RASSF3: variants seen among roughly 807,000 people sequenced by gnomAD.
The protein encoded by RASSF3 is ras association domain-containing protein 3.
RASSF3 carries 19 observed loss-of-function variants against 19.9 expected under a neutral mutation model. The ratio of observed to expected loss-of-function variants is 0.96; its 90% CI spans 0.67 to 1.40. The LOEUF is 1.40. RASSF3 is among the 40% of genes most tolerant of loss of function. The probability of loss-of-function intolerance (pLI) is 0.00; values close to 1 mark genes in which losing one functional copy is unlikely to be tolerated. For missense variants in RASSF3, 306 were observed against 289.8 expected, an observed-to-expected ratio of 1.06 and a Z score of -0.41; for synonymous variants, 110 against 104.2, an observed-to-expected ratio of 1.06 and a Z score of -0.34.
chr12:64,621,719 G>A (rs1319562055), intron 1 of RASSF3, among the ~76,000 whole-genome samples: 5 of 152,138 alleles, frequency 3.3e-5, no homozygotes, highest in South Asian at 2.1e-4. Flanking sequence ...TAATCTACCC[G>A]CCTGGGCCTC....
At chr12:64,651,403 G>T (rs1050423609) in intron 1 of RASSF3, among the ~76,000 whole-genome samples, 1 of 152,198 alleles carries the variant, frequency 6.6e-6, no homozygotes, top group Non-Finnish European at 1.5e-5. Context: ...CTGTTGCCCA[G>T]ACTGGAGTGC....
chr12:64,674,772 C>T (rs1381527171), intron 1 of RASSF3, among the ~76,000 whole-genome samples: 2 of 151,922 alleles, frequency 1.3e-5, no homozygotes, highest in South Asian at 2.1e-4. Context: ...GGGCCTTGAA[C>T]GCAGGTGAGG....
chr12:64,671,234 T>C (rs972369841), intron 1 of RASSF3, among the ~76,000 whole-genome samples: 1 of 152,160 alleles, frequency 6.6e-6, no homozygotes, highest in Non-Finnish European at 1.5e-5. Context: ...AACCTTCTTT[T>C]TCCCTCTGCA....
At chr12:64,609,163 G>A (rs138583011), upstream of RASSF3, among the ~76,000 whole-genome samples, 7 of 151,988 alleles carry the variant, frequency 4.6e-5, no homozygotes, top group Non-Finnish European at 1.0e-4. Context: ...TCCTCCTGTA[G>A]TCCACAAAAG....
intron 1 of RASSF3, among the ~76,000 whole-genome samples, chr12:64,625,095 A>C (rs1870940849): frequency 6.6e-6 from 1 of 152,182 alleles, no homozygotes; most frequent in Admixed American, 6.5e-5. Flanking sequence ...CCAGCCAAAG[A>C]GCGAAAAATG....
chr12:64,527,910 G>C (rs1213308307), intron 1 of RASSF3, among the ~76,000 whole-genome samples: 1 of 151,760 alleles, frequency 6.6e-6, no homozygotes, highest in African/African-American at 2.4e-5. Context: ...ACTCCAGCCT[G>C]GGTGACAAAG....
chr12:64,520,283 C>T (rs1236630429), intron 1 of RASSF3, among the ~76,000 whole-genome samples: 1 of 151,494 alleles, frequency 6.6e-6, no homozygotes, highest in African/African-American at 2.4e-5. Context: ...ATTCTTCTGC[C>T]TCCCAAGTAG....
intron 2 of RASSF3, among the ~76,000 whole-genome samples, chr12:64,563,091 C>T (rs1869374021): frequency 6.6e-6 from 1 of 152,156 alleles, no homozygotes; most frequent in Non-Finnish European, 1.5e-5. Context: ...AGCCTCCTAT[C>T]TTTGTTCTCT....
chr12:64,579,264 G>A (rs1229183635), intron 2 of RASSF3, among the ~76,000 whole-genome samples: 1 of 151,826 alleles, frequency 6.6e-6, no homozygotes, highest in Admixed American at 6.6e-5. Flanking sequence ...ATCAAGGCAT[G>A]GAAATAATCA....
chr12:64,660,093 T>C (rs1872303497), intron 1 of RASSF3, among the ~76,000 whole-genome samples: 1 of 151,508 alleles, frequency 6.6e-6, no homozygotes. Context: ...TATATACACA[T>C]ACACGCACAC....
intron 1 of RASSF3, among the ~76,000 whole-genome samples, chr12:64,625,198 C>A (rs554949355): frequency 9.9e-4 from 151 of 152,208 alleles, no homozygotes; most frequent in African/African-American, 3.5e-3. Context: ...GAGCTCCAGT[C>A]ATTCCTGGAG....
At chr12:64,607,067 CT>C (rs1447545977), upstream of RASSF3, among the ~76,000 whole-genome samples, 2 of 151,434 alleles carry the variant, frequency 1.3e-5, no homozygotes, top group Admixed American at 6.6e-5. Flanking sequence ...TCACTTGAGC[CT>C]AAGAGTTCAT....
chr12:64,559,887 C>T (rs1333699844), intron 2 of RASSF3, among the ~76,000 whole-genome samples: 3 of 152,208 alleles, frequency 2.0e-5, no homozygotes, highest in African/African-American at 7.2e-5. Flanking sequence ...TATATAATCT[C>T]TTTTTTCCCT....
rs568954966 is a variant in RASSF3 at position 64,686,698 on chromosome 12, G to T, written c.220-1518G>T. Among the ~76,000 whole-genome samples, 328 of 152,180 alleles carry T rather than the reference G, an allele frequency of 2.2e-3. 1 individual carries two copies. The highest frequency in any genetic ancestry group is 7.5e-3 in the African/African-American group (312 of 41,522). ...AAAAATTAGCCAGGCATGGTGGCGG[G>T]TGCCTGCAGTCCCAGCTACTCAGGA... is the stretch of plus-strand genomic sequence containing the variant. On this transcript the variant is annotated intron_variant, in intron 2 of 4. Transcript: ENST00000542104.
At chr12:64,677,636 A>T (rs1229915857) in intron 1 of RASSF3, among the ~76,000 whole-genome samples, 1 of 152,214 alleles carries the variant, frequency 6.6e-6, no homozygotes, top group Non-Finnish European at 1.5e-5. Flanking sequence ...TTGGACAGAC[A>T]TCAAACGTAA....
chr12:64,571,779 G>A (rs1869523168), intron 2 of RASSF3, among the ~76,000 whole-genome samples: 2 of 151,984 alleles, frequency 1.3e-5, no homozygotes, highest in South Asian at 2.1e-4. Context: ...AACAAATTCT[G>A]TCCATATGGT....
At chr12:64,516,386 G>A (rs1437183167) in intron 1 of RASSF3, among the ~76,000 whole-genome samples, 2 of 152,038 alleles carry the variant, frequency 1.3e-5, no homozygotes, top group African/African-American at 2.4e-5. Context: ...TTGGGAGGCC[G>A]AGGCGGGCGG....
chr12:64,576,391 G>A (rs1245267562), intron 2 of RASSF3, among the ~76,000 whole-genome samples: 1 of 151,996 alleles, frequency 6.6e-6, no homozygotes, highest in African/African-American at 2.4e-5. Flanking sequence ...AACTCCAATT[G>A]AATTATATGT....
chr12:64,580,575 A>AACACAC (rs201737911), intron 2 of RASSF3, among the ~76,000 whole-genome samples: 9,749 of 141,278 alleles, frequency 0.069, 342 homozygotes, highest in Middle Eastern at 0.094. Context: ...TTTTTAGGAA[A>AACACAC]ACACACACAC....
Sources: gnomAD v4.1 joint callset for allele counts (sites outside exome capture counted in the v4.1 genomes callset) on GRCh38, gnomAD v4.1.1 for gene constraint, MANE v1.5 for transcripts, NCBI Gene and HGNC (gene_info 2026-07-23, HGNC 2026-07-21) for gene names.